Variants in ANKRD40CL observed in about 807,000 individuals in gnomAD.
ANKRD40CL encodes putative ANKRD40 C-terminal-like protein.
For missense variants in ANKRD40CL, 11 were observed against 6.4 expected (o/e 1.71, Z -0.77); for synonymous variants, 5 against 2.3 (o/e 2.14, Z -1.04).
At chr17:50,764,176 T>A in intron 2 of ANKRD40CL, 1 of 398,674 alleles carries the variant, frequency 2.5e-6, no homozygotes, top group East Asian at 3.6e-5. Flanking sequence ...TAGACAGGTG[T>A]CACTGGGTTT....
intron 2 of ANKRD40CL, chr17:50,764,033 A>G (rs1161269925): frequency 1.3e-5 from 5 of 396,958 alleles, no homozygotes; most frequent in African/African-American, 8.2e-5. Flanking sequence ...TAATTCTACC[A>G]TCTTTCAGGA....
chr17:50,766,018 C>T (rs1971305538), intron 2 of ANKRD40CL, among the ~76,000 whole-genome samples: 1 of 152,158 alleles, frequency 6.6e-6, no homozygotes, highest in Non-Finnish European at 1.5e-5. Context: ...GAATGCAAGG[C>T]CCTGGGCAGC....
chr17:50,767,326 C>A (rs1971345496), intron 1 of ANKRD40CL, 137 bp downstream of exon 1: 1 of 379,800 alleles, frequency 2.6e-6, no homozygotes. Flanking sequence ...GTAGCTTCTA[C>A]ACCAGGGGTA....
intron 2 of ANKRD40CL, among the ~76,000 whole-genome samples, chr17:50,765,308 T>C (rs1971280881): frequency 6.6e-6 from 1 of 152,220 alleles, no homozygotes; most frequent in African/African-American, 2.4e-5. Flanking sequence ...GTGGCTTGCA[T>C]TACATTTCTA....
At position 50,763,383 on chromosome 17, in the gene ANKRD40CL, C is replaced by G. The variant is rs1971238467; in HGVS notation, c.201+14G>C. On this transcript the variant is annotated intron_variant, in intron 3 of 3. Transcript: ENST00000450727. ...CCCACTGTGATTCTGCATTTAGAAA[C>G]TCTTAACCCTTACCTTTCTGAGCAG... is the stretch of plus-strand genomic sequence containing the variant. 1 of 399,050 alleles carries G rather than the reference C, an allele frequency of 2.5e-6. No individual in the cohort carries two copies. The highest frequency in any genetic ancestry group is 4.4e-6 in the Non-Finnish European group (1 of 226,076). The allele number at this position is 399,050 out of a possible 1,614,324, so 24.7% of individuals were successfully genotyped here. A position where few individuals can be genotyped will look rare whatever the true frequency, so the allele number is the denominator to read the frequency against.
At chr17:50,767,429 A>G (rs964356556) in intron 1 of ANKRD40CL, 34 bp downstream of exon 1, 5 of 308,672 alleles carry the variant, frequency 1.6e-5, no homozygotes, top group Non-Finnish European at 2.6e-5. Context: ...GCAGCTGTGC[A>G]TGACAAGAAA....
In ANKRD40CL at chr17:50,767,511, T is replaced by G; in HGVS notation, c.-147A>C. 1 of 224,318 alleles carries G rather than the reference T, an allele frequency of 4.5e-6. No homozygotes were observed. Among genetic ancestry groups the G allele is most frequent in the Admixed American group, 5.2e-5 (1 of 19,362 alleles). 13.9% of individuals were successfully genotyped at this position (224,318 alleles called of 1,614,324 possible). A position where few individuals can be genotyped will look rare whatever the true frequency, so the allele number is the denominator to read the frequency against. On this transcript the variant is annotated 5_prime_UTR_variant, in exon 1 of 4. It removes an upstream start codon present in the reference 5' UTR. Coordinates refer to ENST00000450727, the MANE Select transcript of ANKRD40CL (RefSeq NM_001358683.3). ...ATCCTGGATCCCCTGATTCTAGACA[T>G]CAAAATGGAGGAGGCAGAGGCTGGA...
At chr17:50,766,814 C>T (rs921964939) in intron 2 of ANKRD40CL, 60 bp downstream of exon 2, 2 of 605,824 alleles carry the variant, frequency 3.3e-6, no homozygotes, top group African/African-American at 4.3e-5. Flanking sequence ...CCCAGCCTTC[C>T]CCAGCCCCCT....
At chr17:50,764,862 G>A (rs982183686) in intron 2 of ANKRD40CL, 1 of 152,202 alleles carries the variant, frequency 6.6e-6, no homozygotes, top group Non-Finnish European at 1.5e-5. Flanking sequence ...ACAGTTGTCG[G>A]GGCATGATGA....
chr17:50,765,903 A>T (rs1971302874), intron 2 of ANKRD40CL, among the ~76,000 whole-genome samples: 1 of 152,190 alleles, frequency 6.6e-6, no homozygotes, highest in Non-Finnish European at 1.5e-5. Flanking sequence ...CACATGCTCC[A>T]TTGTCCCATC....
intron 2 of ANKRD40CL, among the ~76,000 whole-genome samples, chr17:50,765,829 T>TG (rs112408271): frequency 0.34 from 51,245 of 152,054 alleles, 9,238 homozygotes; most frequent in African/African-American, 0.47. Flanking sequence ...GTTACAGCAG[T>TG]GGTGGGGCTG....
chr17:50,764,677 C>A (rs1971265602), intron 2 of ANKRD40CL: 1 of 154,160 alleles, frequency 6.5e-6, no homozygotes. Context: ...ATATGCCAGG[C>A]CTTTTGTGTA....
rs562636848 is a variant in ANKRD40CL at position 50,763,925 on chromosome 17, G to T, written c.41-368C>A. 2.6e-4 allele frequency: 99 copies of T among 386,570 alleles called. 1 individual carries two copies. Among genetic ancestry groups the T allele is most frequent in the East Asian group, 3.3e-4 (9 of 27,112 alleles). The allele number at this position is 386,570 out of a possible 1,614,324, so 23.9% of individuals were successfully genotyped here. Reference sequence around the variant, plus strand: ...CTGGAAAGCTTCAGGGAAATGTATAGCCCTGGGGGCCCTGGTGTCCTTAAA... The same window carrying T: ...CTGGAAAGCTTCAGGGAAATGTATATCCCTGGGGGCCCTGGTGTCCTTAAA... On this transcript the variant is annotated intron_variant, in intron 2 of 3. Transcript: ENST00000450727.
At chr17:50,762,246 A>T (rs557378758) in intron 3 of ANKRD40CL, among the ~76,000 whole-genome samples, 16 of 152,224 alleles carry the variant, frequency 1.1e-4, no homozygotes, top group Non-Finnish European at 1.6e-4. Context: ...GGTATCTGGA[A>T]AGCATGATCA....
intron 3 of ANKRD40CL, chr17:50,763,052 A>G (rs1469399028): frequency 5.4e-5 from 9 of 165,968 alleles, no homozygotes; most frequent in Non-Finnish European, 9.0e-5. Context: ...ACGCGCTGCC[A>G]TGCCCAGCTA....
At chr17:50,764,118 G>A (rs1887115971) in intron 2 of ANKRD40CL, 1 of 398,552 alleles carries the variant, frequency 2.5e-6, no homozygotes, top group African/African-American at 2.1e-5. Flanking sequence ...GAAAGCAGAT[G>A]GTCAGTTTGG....
intron 3 of ANKRD40CL, among the ~76,000 whole-genome samples, chr17:50,762,428 T>A (rs1971216336): frequency 6.6e-6 from 1 of 152,020 alleles, no homozygotes; most frequent in Non-Finnish European, 1.5e-5. Flanking sequence ...AAAAAGAAAT[T>A]AATGGAGTGT....
chr17:50,761,495 A>C lies in ANKRD40CL; in HGVS notation c.213T>G (p.Ile71Met), dbSNP rs1459032245. The C allele has an allele frequency of 7.5e-6, 3 of 398,882 alleles. No homozygotes were observed. Among genetic ancestry groups the C allele is most frequent in the African/African-American group, 2.1e-5 (1 of 48,638 alleles). The allele number at this position is 398,882 out of a possible 1,614,324, so 24.7% of individuals were successfully genotyped here. ...CTTCCTGAAAGTCCCGCAGTCTTCGAATGTCTTTGTCCTTAATGTAGAAAA... is the reference window on the plus strand; with the variant it reads ...CTTCCTGAAAGTCCCGCAGTCTTCGCATGTCTTTGTCCTTAATGTAGAAAA... ...PNTLLRKDKDIRRLRDFQEVE... is the reference protein window; with the variant it reads ...PNTLLRKDKDMRRLRDFQEVE... Residue 71 changes from isoleucine (I) to methionine (M), a missense_variant, in exon 4 of 4, where the codon ATT (isoleucine) becomes ATG (methionine). By Grantham distance (10) the Ile-to-Met change is conservative. Coordinates refer to ENST00000450727, the MANE Select transcript of ANKRD40CL (RefSeq NM_001358683.3).
chr17:50,761,243 A>T lies in ANKRD40CL; in HGVS notation c.*120T>A, dbSNP rs1435394713. On this transcript the variant is annotated 3_prime_UTR_variant, in exon 4 of 4. Coordinates refer to ENST00000450727, the MANE Select transcript of ANKRD40CL (RefSeq NM_001358683.3). ...TTTTTTTTAGTAGAGACTGGGTTTC[A>T]CTATATGTTGGCCAGGCTGGTCTAG... 1 of 385,710 alleles carries T rather than the reference A, an allele frequency of 2.6e-6. No homozygotes were observed. Among genetic ancestry groups the T allele is most frequent in the Non-Finnish European group, 4.6e-6 (1 of 218,474 alleles). The allele number at this position is 385,710 out of a possible 1,614,324, so 23.9% of individuals were successfully genotyped here. A position where few individuals can be genotyped will look rare whatever the true frequency, so the allele number is the denominator to read the frequency against.
Sources: gnomAD v4.1 joint callset for allele counts (sites outside exome capture counted in the v4.1 genomes callset) on GRCh38, gnomAD v4.1.1 for gene constraint, MANE v1.5 for transcripts, NCBI Gene and HGNC (gene_info 2026-07-23, HGNC 2026-07-21) for gene names.